The following UBE2E2 variants were observed in gnomAD, a reference collection of about 807,000 sequenced individuals.
UBE2E2 encodes the protein ubiquitin conjugating enzyme E2 E2, also known as ubiquitin-conjugating enzyme E2 E2.
In UBE2E2, 6 loss-of-function variants were observed where a neutral mutation model predicts 24.7. The ratio of observed to expected loss-of-function variants is 0.24; its 90% CI spans 0.13 to 0.48. UBE2E2 has a LOEUF of 0.48. Among genes scored for constraint, UBE2E2 ranks in the 20% least tolerant of loss-of-function variants. The pLI is 0.99. For synonymous variants in UBE2E2, 104 were observed against 83.6 expected (o/e 1.24, Z -1.33); for missense variants, 169 against 245.0 (o/e 0.69, Z 2.07).
intron 3 of UBE2E2, among the ~76,000 whole-genome samples, chr3:23,447,829 GCA>G (rs1698468768): frequency 6.6e-6 from 1 of 152,038 alleles, no homozygotes; most frequent in Non-Finnish European, 1.5e-5. Flanking sequence ...AAGTGATGGT[GCA>G]CCTTATTTTA....
At chr3:23,439,367 A>G (rs1466494229) in intron 3 of UBE2E2, among the ~76,000 whole-genome samples, 1 of 152,216 alleles carries the variant, frequency 6.6e-6, no homozygotes, top group Non-Finnish European at 1.5e-5. Flanking sequence ...GTGTTATAGT[A>G]CCTGCGCTAA....
At chr3:23,562,999 G>A (rs537406349) in intron 5 of UBE2E2, among the ~76,000 whole-genome samples, 3 of 152,038 alleles carry the variant, frequency 2.0e-5, no homozygotes, top group African/African-American at 7.2e-5. Flanking sequence ...TATCAATTTT[G>A]TTGATCTTTT....
At chr3:23,439,451 G>A (rs1392094776) in intron 3 of UBE2E2, among the ~76,000 whole-genome samples, 1 of 152,182 alleles carries the variant, frequency 6.6e-6, no homozygotes, top group African/African-American at 2.4e-5. Context: ...AACTTCTTAT[G>A]GATAAGTGTT....
intron 3 of UBE2E2, among the ~76,000 whole-genome samples, chr3:23,432,878 T>A (rs1698094518): frequency 6.6e-6 from 1 of 151,848 alleles, no homozygotes; most frequent in African/African-American, 2.4e-5. Flanking sequence ...ATATAATAGA[T>A]GTTAATATTA....
intron 3 of UBE2E2, among the ~76,000 whole-genome samples, chr3:23,476,396 CA>C (rs1699139601): frequency 6.6e-6 from 1 of 152,078 alleles, no homozygotes; most frequent in Non-Finnish European, 1.5e-5. Context: ...TACTGACCCA[CA>C]GTTTAAATTT....
intron 3 of UBE2E2, among the ~76,000 whole-genome samples, chr3:23,326,413 T>G (rs1356934058): frequency 1.3e-5 from 2 of 152,310 alleles, no homozygotes; most frequent in East Asian, 3.9e-4. Context: ...ACCAATTATC[T>G]GGCTTTTCAA....
chr3:23,532,497 T>C, intron 4 of UBE2E2, 57 bp from the exon 5 acceptor site: 1 of 1,426,096 alleles, frequency 7.0e-7, no homozygotes, highest in Admixed American at 1.9e-5. Context: ...AAATTGTCTA[T>C]AGATACTGTT....
intron 3 of UBE2E2, among the ~76,000 whole-genome samples, chr3:23,446,235 G>A (rs778693002): frequency 1.3e-5 from 2 of 152,180 alleles, no homozygotes; most frequent in Non-Finnish European, 2.9e-5. Context: ...CTTAACAGTA[G>A]ATTTGAGAGA....
At chr3:23,246,937 TCTC>T (rs1465496601) in intron 3 of UBE2E2, among the ~76,000 whole-genome samples, 3 of 151,712 alleles carry the variant, frequency 2.0e-5, no homozygotes, top group African/African-American at 7.3e-5. Flanking sequence ...GCCAGGCTGG[TCTC>T]CTGAGCTCAA....
chr3:23,425,075 A>G (rs1697892692), intron 3 of UBE2E2, among the ~76,000 whole-genome samples: 2 of 152,226 alleles, frequency 1.3e-5, no homozygotes, highest in Non-Finnish European at 2.9e-5. Context: ...TGTTTTAACT[A>G]TACCCCCACC....
chr3:23,230,009 T>A (rs2125331091), intron 3 of UBE2E2, among the ~76,000 whole-genome samples: 1 of 152,296 alleles, frequency 6.6e-6, no homozygotes, highest in South Asian at 2.1e-4. Context: ...TAGTTAGGTA[T>A]TTATGTTGTG....
intron 3 of UBE2E2, among the ~76,000 whole-genome samples, chr3:23,412,698 A>G (rs577075152): frequency 2.4e-4 from 37 of 152,284 alleles, no homozygotes; most frequent in Non-Finnish European, 4.0e-4. Context: ...ATTCAAGTAC[A>G]CTGACAACAT....
intron 5 of UBE2E2, among the ~76,000 whole-genome samples, chr3:23,545,978 G>T (rs1695513514): frequency 6.6e-6 from 1 of 152,150 alleles, no homozygotes; most frequent in Non-Finnish European, 1.5e-5. Flanking sequence ...CATACAAAGT[G>T]ATATGGATAA....
chr3:23,385,437 T>C (rs1696784787), intron 3 of UBE2E2, among the ~76,000 whole-genome samples: 1 of 152,222 alleles, frequency 6.6e-6, no homozygotes, highest in South Asian at 2.1e-4. Context: ...CACAGCTGCT[T>C]GGATAGCCTT....
chr3:23,247,527 G>A (rs1029474270), intron 3 of UBE2E2, among the ~76,000 whole-genome samples: 3 of 152,038 alleles, frequency 2.0e-5, no homozygotes, highest in Non-Finnish European at 2.9e-5. Context: ...GCTAATTTTT[G>A]TATTTTCAGT....
intron 5 of UBE2E2, among the ~76,000 whole-genome samples, chr3:23,535,165 G>T (rs566173113): frequency 2.0e-5 from 3 of 152,224 alleles, no homozygotes; most frequent in African/African-American, 7.2e-5. Context: ...CTTTCCACAG[G>T]CTTAGTTTTT....
At chr3:23,343,472 A>G (rs1358981765) in intron 3 of UBE2E2, among the ~76,000 whole-genome samples, 1 of 152,150 alleles carries the variant, frequency 6.6e-6, no homozygotes, top group African/African-American at 2.4e-5. Flanking sequence ...TCTACTCAGG[A>G]GGCTGAGGCA....
chr3:23,299,115 C>T (rs1432014633), intron 3 of UBE2E2, among the ~76,000 whole-genome samples: 1 of 152,176 alleles, frequency 6.6e-6, no homozygotes, highest in Non-Finnish European at 1.5e-5. Context: ...GTTTGTATTT[C>T]TGTGGGATCA....
intron 5 of UBE2E2, among the ~76,000 whole-genome samples, chr3:23,545,091 G>A (rs545830208): frequency 5.3e-4 from 80 of 152,272 alleles, no homozygotes; most frequent in South Asian, 1.7e-3. Context: ...ACTTACAATC[G>A]AGTTTTATAC....
Sources: gnomAD v4.1 joint callset for allele counts (sites outside exome capture counted in the v4.1 genomes callset) on GRCh38, gnomAD v4.1.1 for gene constraint, MANE v1.5 for transcripts, NCBI Gene and HGNC (gene_info 2026-07-23, HGNC 2026-07-21) for gene names.